Variants in PFKM observed in about 807,000 individuals in gnomAD.
PFKM encodes ATP-dependent 6-phosphofructokinase, muscle type.
PFKM carries 58 observed loss-of-function variants against 95.5 expected under a neutral mutation model. The ratio of observed to expected loss-of-function variants is 0.61; its 90% CI spans 0.49 to 0.76. PFKM has a LOEUF of 0.76. Among genes scored for constraint, PFKM ranks in the 30% least tolerant of loss-of-function variants. The pLI is 0.00. For synonymous variants in PFKM, 336 were observed against 357.2 expected (o/e 0.94, Z 0.67); for missense variants, 678 against 1,005.4 (o/e 0.67, Z 4.40).
chr12:48,145,858 G>A lies in PFKM; in HGVS notation c.*150G>A. 1.3e-6 allele frequency: 1 copy of A among 791,378 alleles called. No homozygotes were observed. The highest frequency in any genetic ancestry group is 2.1e-6 in the Non-Finnish European group (1 of 484,464). The allele number at this position is 791,378 out of a possible 1,614,324, so 49.0% of individuals were successfully genotyped here. A position where few individuals can be genotyped will look rare whatever the true frequency, so the allele number is the denominator to read the frequency against. Reference sequence around the variant, plus strand: ...CCATGACCAGTTCTGGCCAGGAGCTGGAGGAGCAGGCAGTGGGTGGGAGCT... The same window carrying A: ...CCATGACCAGTTCTGGCCAGGAGCTAGAGGAGCAGGCAGTGGGTGGGAGCT... On this transcript the variant is annotated 3_prime_UTR_variant, in exon 23 of 23. Transcript: ENST00000359794. The surrounding 1 kb of genome is among the most constrained non-coding windows in gnomAD (Gnocchi z 4.3).
At chr12:48,122,124 G>C (rs1948349092) in intron 1 of PFKM, among the ~76,000 whole-genome samples, 1 of 152,152 alleles carries the variant, frequency 6.6e-6, no homozygotes, top group Non-Finnish European at 1.5e-5. Flanking sequence ...TCAGGAGGCT[G>C]ACATCCTGAG....
intron 11 of PFKM, 106 bp from the exon 12 acceptor site, chr12:48,139,179 T>A (rs1950364385): frequency 2.3e-6 from 2 of 861,712 alleles, no homozygotes; most frequent in East Asian, 4.9e-5. Context: ...ATGGACAGGA[T>A]CTAGTCACAA....
chr12:48,107,346 ACTCTGT>A, intron 1 of PFKM: 4 of 1,499,264 alleles, frequency 2.7e-6, no homozygotes, highest in Non-Finnish European at 3.7e-6. Context: ...TTTGGATTAA[ACTCTGT>A]CTCTATTTCT....
At chr12:48,135,164 A>C (rs1314880724) in intron 9 of PFKM, 126 bp downstream of exon 9, 1 of 1,103,760 alleles carries the variant, frequency 9.1e-7, no homozygotes, top group Admixed American at 1.8e-5. Flanking sequence ...CCTGCCCCTG[A>C]TTGCCTCCCA....
At chr12:48,135,258 A>T in intron 9 of PFKM, 33 bp from the exon 10 acceptor site, 1 of 1,550,156 alleles carries the variant, frequency 6.5e-7, no homozygotes, top group Non-Finnish European at 8.9e-7. Context: ...ACTCTGCGTA[A>T]CCCTCTCTCT....
At chr12:48,127,947 T>C (rs1323254510) in intron 2 of PFKM, among the ~76,000 whole-genome samples, 1 of 152,248 alleles carries the variant, frequency 6.6e-6, no homozygotes, top group Non-Finnish European at 1.5e-5. Context: ...CCCTGGCCTG[T>C]AGAAGACAAG....
At chr12:48,136,996 T>G (rs1194655754) in intron 10 of PFKM, among the ~76,000 whole-genome samples, 3 of 151,628 alleles carry the variant, frequency 2.0e-5, no homozygotes, top group Non-Finnish European at 2.9e-5. Context: ...CCTTGTGATC[T>G]GCCTGCCTCG....
At chr12:48,130,257 A>G in intron 2 of PFKM, 106 bp from the exon 3 acceptor site, 1 of 811,604 alleles carries the variant, frequency 1.2e-6, no homozygotes, top group Non-Finnish European at 2.2e-6. Context: ...AAAAGACTAA[A>G]TAAAGTACTG....
At chr12:48,132,366 A>C (rs1949596217) in intron 4 of PFKM, among the ~76,000 whole-genome samples, 1 of 152,198 alleles carries the variant, frequency 6.6e-6, no homozygotes. Flanking sequence ...CATGGATTGC[A>C]AGGAGCTAAG....
intron 18 of PFKM, 44 bp downstream of exon 18, chr12:48,142,990 C>A (rs1341683875): frequency 1.3e-6 from 2 of 1,576,644 alleles, no homozygotes; most frequent in Middle Eastern, 2.2e-4. Context: ...TCCCCTGTCT[C>A]CAGACTGTTT....
In PFKM at chr12:48,122,867, G is replaced by T. The variant is rs772038099; in HGVS notation, c.85+8G>T. On this transcript the variant is annotated splice_region_variant and intron_variant, in intron 2 of 22. Coordinates refer to ENST00000359794, the MANE Select transcript of PFKM (RefSeq NM_000289.6). ...CTGGTGGAGATGCCCAAGGTAAGGA[G>T]GAGGGGACAAAAAACATGGCTGGTG... The T allele has an allele frequency of 1.2e-6, 2 of 1,613,504 alleles. No individual in the cohort carries two copies. Among genetic ancestry groups the T allele is most frequent in the South Asian group, 1.1e-5 (1 of 91,058 alleles).
At chr12:48,138,603 A>G (rs1461347471) in intron 11 of PFKM, among the ~76,000 whole-genome samples, 1 of 152,196 alleles carries the variant, frequency 6.6e-6, no homozygotes, top group Non-Finnish European at 1.5e-5. Flanking sequence ...AGTAGTTGAG[A>G]AGCACACAGC....
chr12:48,144,214 A>G (rs1027177918), intron 20 of PFKM, 57 bp downstream of exon 20: 1 of 1,173,886 alleles, frequency 8.5e-7, no homozygotes, highest in Non-Finnish European at 1.3e-6. Flanking sequence ...GCCAACAGCC[A>G]TACCTGCCAA....
rs140895856 is a variant in PFKM, at chr12:48,106,115, C to T, written c.-32C>T. 0.02 allele frequency: 14,282 copies of T among 702,678 alleles called. 212 individuals carry two copies. The highest frequency in any genetic ancestry group is 0.028 in the Non-Finnish European group (10,647 of 384,786). 43.5% of individuals were successfully genotyped at this position (702,678 alleles called of 1,614,324 possible). A position where few individuals can be genotyped will look rare whatever the true frequency, so the allele number is the denominator to read the frequency against. On this transcript the variant is annotated 5_prime_UTR_variant, in exon 1 of 25. Coordinates refer to the PFKM transcript ENST00000340802. ...AACCGCCGCGAACCGGAACCGCCTT[C>T]ACAGCACCGGAAGAGTCGCTAGGTG...
upstream of PFKM, among the ~76,000 whole-genome samples, chr12:48,116,812 G>A (rs778534674): frequency 6.6e-6 from 1 of 152,156 alleles, no homozygotes; most frequent in African/African-American, 2.4e-5. Flanking sequence ...TTGCATTAGT[G>A]TGGTACACTT....
rs149600978 is a variant in PFKM, at chr12:48,134,853, T to G, written c.747+24T>G. 1.8e-3 allele frequency: 2,927 copies of G among 1,601,772 alleles called. 32 individuals carry two copies. The African/African-American group carries it at 0.029, about 16-fold the overall frequency. Reference sequence around the variant, plus strand: ...AGGTACTTGCACTTTATTTTGCCCTTAAGAAATCCCTCACCCTGTTCCACT... The same window carrying G: ...AGGTACTTGCACTTTATTTTGCCCTGAAGAAATCCCTCACCCTGTTCCACT... On this transcript the variant is annotated intron_variant, in intron 8 of 22. Transcript: ENST00000359794.
In PFKM at chr12:48,145,027, C is replaced by G. The variant is rs1298858334; in HGVS notation, c.1993-4C>G. The stretch of plus-strand genomic sequence containing the variant: ...CTCTGTAATTTTTATGTTTCTTTCT[C>G]CAGGGTGGGAGCCCAACCCCATTTG... On this transcript the variant is annotated splice_polypyrimidine_tract_variant and splice_region_variant and intron_variant, in intron 20 of 22. Transcript: ENST00000359794. The surrounding 1 kb of genome is among the most constrained non-coding windows in gnomAD (Gnocchi z 4.3). 1.2e-6 allele frequency: 2 copies of G among 1,601,186 alleles called. No individual in the cohort carries two copies. The highest frequency in any genetic ancestry group is 1.7e-6 in the Non-Finnish European group (2 of 1,168,360).
At chr12:48,132,657 T>C (rs527554069) in intron 4 of PFKM, 47 of 603,520 alleles carry the variant, frequency 7.8e-5, no homozygotes, top group Admixed American at 3.4e-4. Context: ...AGCAGTCTTC[T>C]CAGATGTGTA....
Position 48,133,351 on chromosome 12 carries a change from A to G in PFKM, c.464A>G (p.Tyr155Cys), listed in dbSNP as rs762149714. Reference sequence around the variant, plus strand: ...GATGAGGAGGCTACGAAGTCCAGCTACCTGAACATTGTGGGCCTGGTTGGG... The same window carrying G: ...GATGAGGAGGCTACGAAGTCCAGCTGCCTGAACATTGTGGGCCTGGTTGGG... ...ITDEEATKSS[Y>C]LNIVGLVGSI... The change falls in exon 6 of 23, where the codon TAC becomes TGC. Residue 155 changes from tyrosine (Y) to cysteine (C), a missense_variant. Tyr to Cys is a radical substitution (Grantham distance 194, BLOSUM62 -2). Coordinates refer to ENST00000359794, the MANE Select transcript of PFKM (RefSeq NM_000289.6). 2.5e-6 allele frequency: 4 copies of G among 1,614,124 alleles called. No homozygotes were observed. The highest frequency in any genetic ancestry group is 4.5e-5 in the East Asian group (2 of 44,886).
Sources: gnomAD v4.1 joint callset for allele counts (sites outside exome capture counted in the v4.1 genomes callset) on GRCh38, gnomAD v4.1.1 for gene constraint, Gnocchi (gnomAD v3.1) non-coding constraint, MANE v1.5 for transcripts, NCBI Gene and HGNC (gene_info 2026-07-23, HGNC 2026-07-21) for gene names.